Variants in RAB11FIP4 observed in about 807,000 individuals in gnomAD.
RAB11FIP4 encodes RAB11 family interacting protein 4.
Under a neutral mutation model 74.3 loss-of-function variants are expected in RAB11FIP4, and 23 were observed. That is an observed-to-expected ratio of 0.31 (90% CI 0.22 to 0.44). The LOEUF is 0.44. RAB11FIP4 is among the 20% of genes least tolerant of loss of function. The pLI, the probability that RAB11FIP4 is intolerant of heterozygous loss-of-function variation, is 1.00. For synonymous variants in RAB11FIP4, 360 were observed against 359.9 expected (o/e 1.00, Z 0.00); for missense variants, 630 against 863.9 (o/e 0.73, Z 3.39).
In RAB11FIP4 at chr17:31,536,034, AG is replaced by A. The variant is rs1365245578; in HGVS notation, c.*4303del. ...GTCCACTGGTGCTGGTGTTCAGGGG[AG>A]TTGGGGGGGGGGGGCGCGGGGACAG... is the stretch of plus-strand genomic sequence containing the variant. On this transcript the variant is annotated 3_prime_UTR_variant, in exon 15 of 15. Transcript: ENST00000621161. 2 of 14,968 alleles carry A rather than the reference AG, an allele frequency of 1.3e-4. No individual in the cohort carries two copies. Among genetic ancestry groups the A allele is most frequent in the Non-Finnish European group, 2.4e-4 (2 of 8,480 alleles). The allele number at this position is 14,968 out of a possible 1,614,324, so 0.9% of individuals were successfully genotyped here. A position where few individuals can be genotyped will look rare whatever the true frequency, so the allele number is the denominator to read the frequency against.
chr17:31,444,425 G>C (rs1314505040), intron 3 of RAB11FIP4, among the ~76,000 whole-genome samples: 1 of 150,746 alleles, frequency 6.6e-6, no homozygotes, highest in East Asian at 1.9e-4. Flanking sequence ...TCCTCGATTT[G>C]TGTCTTTGGG....
chr17:31,469,198 G>C, intron 3 of RAB11FIP4, among the ~76,000 whole-genome samples: 1 of 152,182 alleles, frequency 6.6e-6, no homozygotes, highest in East Asian at 1.9e-4. Context: ...AATATGTAGC[G>C]TTCACGATGG....
intron 3 of RAB11FIP4, among the ~76,000 whole-genome samples, chr17:31,493,032 G>A (rs1485192754): frequency 6.6e-6 from 1 of 152,136 alleles, no homozygotes; most frequent in Non-Finnish European, 1.5e-5. Flanking sequence ...AGGGGTGGCT[G>A]TGATGGCCCA....
At chr17:31,431,085 T>C (rs2071305424) in intron 1 of RAB11FIP4, among the ~76,000 whole-genome samples, 1 of 151,966 alleles carries the variant, frequency 6.6e-6, no homozygotes, top group South Asian at 2.1e-4. Context: ...AAAGATGAAT[T>C]GTAAAAGCAA....
chr17:31,504,819 T>G (rs8076371), intron 3 of RAB11FIP4, among the ~76,000 whole-genome samples: 4,265 of 152,254 alleles, frequency 0.028, 182 homozygotes, highest in African/African-American at 0.098. Flanking sequence ...AAGGATAATA[T>G]TCGGTTTCTA....
intron 3 of RAB11FIP4, among the ~76,000 whole-genome samples, chr17:31,510,679 G>A (rs2072436034): frequency 6.6e-6 from 1 of 152,188 alleles, no homozygotes; most frequent in African/African-American, 2.4e-5. Context: ...GGGAGAAAGA[G>A]GCACTGATGT....
intron 3 of RAB11FIP4, chr17:31,488,413 C>A: frequency 1.1e-6 from 1 of 949,762 alleles, no homozygotes; most frequent in Non-Finnish European, 1.3e-6. Flanking sequence ...CGTTCGGCCG[C>A]GAGTAGAAGC....
chr17:31,530,353 G>A lies in RAB11FIP4; in HGVS notation c.1681G>A (p.Asp561Asn), dbSNP rs979918792. ...GAATTATAAGCTGCGGGATCAGAAC[G>A]ACGACTTGAATGGGCAGATTTTGAG... Reference protein sequence around the residue: ...QENYKLRDQNDDLNGQILSLS... With the variant: ...QENYKLRDQNNDLNGQILSLS... The change falls in exon 14 of 15, where the codon GAC becomes AAC. Residue 561 changes from aspartate (D) to asparagine (N), a missense_variant. Coordinates refer to ENST00000621161, the MANE Select transcript of RAB11FIP4 (RefSeq NM_032932.6). 8 of 1,614,066 alleles carry A rather than the reference G, an allele frequency of 5.0e-6. No individual in the cohort carries two copies. The highest frequency in any genetic ancestry group is 2.2e-5 in the East Asian group (1 of 44,900).
chr17:31,480,813 A>AAAAG (rs1567670093), intron 3 of RAB11FIP4, among the ~76,000 whole-genome samples: 15 of 150,822 alleles, frequency 9.9e-5, no homozygotes, highest in African/African-American at 3.4e-4. Context: ...AAAAAAAAAA[A>AAAAG]AAAGAAAGAA....
intron 3 of RAB11FIP4, among the ~76,000 whole-genome samples, chr17:31,466,046 A>G (rs2142723279): frequency 6.6e-6 from 1 of 150,836 alleles, no homozygotes; most frequent in South Asian, 2.1e-4. Context: ...CGGGAGGGCG[A>G]GACAGGAGAA....
chr17:31,443,987 T>G (rs1228730806), intron 3 of RAB11FIP4, among the ~76,000 whole-genome samples: 1 of 152,190 alleles, frequency 6.6e-6, no homozygotes, highest in Non-Finnish European at 1.5e-5. Context: ...TTGGCTCTTT[T>G]GCTCATATTC....
chr17:31,392,729 GC>G (rs2070887254), intron 1 of RAB11FIP4: 1 of 152,404 alleles, frequency 6.6e-6, no homozygotes, highest in African/African-American at 2.4e-5. Context: ...GAGGGTCGGT[GC>G]CGCCAGTAGG....
chr17:31,531,443 T>C (rs2072870351), intron 14 of RAB11FIP4, among the ~76,000 whole-genome samples, 173 bp from the exon 15 acceptor site: 1 of 152,170 alleles, frequency 6.6e-6, no homozygotes, highest in Admixed American at 6.5e-5. Context: ...CTGAGCCACT[T>C]CGACTCTGGT....
Position 31,521,157 on chromosome 17 carries a change from G to T in RAB11FIP4, c.564-9G>T. 6.4e-7 allele frequency: 1 copy of T among 1,552,864 alleles called. No homozygotes were observed. The highest frequency in any genetic ancestry group is 2.4e-5 in the East Asian group (1 of 42,464). On this transcript the variant is annotated splice_polypyrimidine_tract_variant and intron_variant, in intron 4 of 14. Coordinates refer to ENST00000621161, the MANE Select transcript of RAB11FIP4 (RefSeq NM_032932.6). ...TCCTCCTCTGACTTGGGTGCTCTCG[G>T]ACCCTCAGGTCCCTGGTCCACACTC...
At chr17:31,444,767 A>T (rs1463573286) in intron 3 of RAB11FIP4, among the ~76,000 whole-genome samples, 1 of 152,234 alleles carries the variant, frequency 6.6e-6, no homozygotes. Context: ...TTTGGGTTTT[A>T]TGAACCTGTA....
At chr17:31,505,499 TTATATTATATATAATAATTATATATTA>T (rs1441604683) in intron 3 of RAB11FIP4, among the ~76,000 whole-genome samples, 1 of 82,348 alleles carries the variant, frequency 1.2e-5, no homozygotes, top group Non-Finnish European at 2.2e-5. Flanking sequence ...TATATAATTA[TTATATTATATATAATAATTATATATTA>T]TATATAATTA....
At chr17:31,528,022 A>C in intron 11 of RAB11FIP4, 99 bp downstream of exon 11, 1 of 895,572 alleles carries the variant, frequency 1.1e-6, no homozygotes, top group South Asian at 1.7e-5. Context: ...CCCCCTAAGA[A>C]ATGCAAAAAA....
intron 4 of RAB11FIP4, 113 bp downstream of exon 4, chr17:31,517,990 G>A: frequency 1.3e-6 from 1 of 785,706 alleles, no homozygotes; most frequent in South Asian, 1.7e-5. Context: ...TGTATCAGAG[G>A]CATTAGTGTC....
chr17:31,479,789 C>T (rs2071829119), intron 3 of RAB11FIP4, among the ~76,000 whole-genome samples: 1 of 152,188 alleles, frequency 6.6e-6, no homozygotes, highest in South Asian at 2.1e-4. Flanking sequence ...CCAACCACCT[C>T]CCTTTTCTAG....
Sources: gnomAD v4.1 joint callset for allele counts (sites outside exome capture counted in the v4.1 genomes callset) on GRCh38, gnomAD v4.1.1 for gene constraint, MANE v1.5 for transcripts, NCBI Gene and HGNC (gene_info 2026-07-23, HGNC 2026-07-21) for gene names.